LARS2: variants seen among roughly 807,000 people sequenced by gnomAD.
LARS2 encodes the protein leucyl-tRNA synthetase 2, mitochondrial, also known as leucine--tRNA ligase, mitochondrial.
LARS2 carries 81 observed loss-of-function variants against 116.6 expected under a neutral mutation model. The observed-to-expected ratio is 0.69, with a 90% CI of 0.58 to 0.84. LARS2 has a LOEUF of 0.84. LARS2 is among the 40% of genes least tolerant of loss of function. The pLI, the probability that LARS2 is intolerant of heterozygous loss-of-function variation, is 0.00. For synonymous variants in LARS2, 396 were observed against 407.2 expected (o/e 0.97, Z 0.33); for missense variants, 968 against 1,114.5 (o/e 0.87, Z 1.87).
intron 6 of LARS2, among the ~76,000 whole-genome samples, chr3:45,444,741 C>T (rs986812761): frequency 6.8e-6 from 1 of 148,004 alleles, no homozygotes; most frequent in Non-Finnish European, 1.5e-5. Context: ...GCAGATTCAT[C>T]GGCTTAGAGA....
chr3:45,529,917 G>A (rs1700589766), intron 20 of LARS2, among the ~76,000 whole-genome samples: 1 of 152,158 alleles, frequency 6.6e-6, no homozygotes, highest in African/African-American at 2.4e-5. Context: ...GGCCCAGAGC[G>A]AGGAGATATG....
intron 4 of LARS2, among the ~76,000 whole-genome samples, chr3:45,412,096 G>A (rs1482628606): frequency 6.6e-6 from 1 of 152,134 alleles, no homozygotes; most frequent in African/African-American, 2.4e-5. Context: ...TACCATTGAT[G>A]GTCATTTAGG....
At chr3:45,402,401 G>A (rs967546793) in intron 4 of LARS2, among the ~76,000 whole-genome samples, 17 of 152,168 alleles carry the variant, frequency 1.1e-4, no homozygotes, top group Admixed American at 1.1e-3. Flanking sequence ...TTACGTCATG[G>A]TAATCAGCAA....
At position 45,396,987 on chromosome 3, in the gene LARS2, C is replaced by T. The variant is rs545231501; in HGVS notation, c.234+2300C>T. On this transcript the variant is annotated intron_variant, in intron 3 of 21. Coordinates refer to ENST00000645846, the MANE Select transcript of LARS2 (RefSeq NM_015340.4). ...AGGACCAGAACTGGGGCTCCGGATT[C>T]CTATTGAGGTGCTCCTTTTACTCTG... Among the ~76,000 whole-genome samples, 51 of 152,320 alleles carry T rather than the reference C, an allele frequency of 3.3e-4. No homozygotes were observed. The South Asian group carries it at 0.011, about 32-fold the overall frequency.
At chr3:45,508,477 T>G (rs1411542712) in intron 15 of LARS2, among the ~76,000 whole-genome samples, 2 of 152,038 alleles carry the variant, frequency 1.3e-5, no homozygotes, top group African/African-American at 2.4e-5. Flanking sequence ...GCTAATTATG[T>G]GACATGATGG....
At chr3:45,452,015 G>A (rs1456813148) in intron 7 of LARS2, among the ~76,000 whole-genome samples, 1 of 152,064 alleles carries the variant, frequency 6.6e-6, no homozygotes, top group African/African-American at 2.4e-5. Context: ...TAGAAATGCT[G>A]CTGATTTCTG....
intron 8 of LARS2, among the ~76,000 whole-genome samples, chr3:45,464,482 A>C (rs1300363820): frequency 6.6e-6 from 1 of 152,210 alleles, no homozygotes; most frequent in Non-Finnish European, 1.5e-5. Flanking sequence ...TCTCAGCCCC[A>C]GAACAGAGGC....
intron 2 of LARS2, among the ~76,000 whole-genome samples, chr3:45,393,223 C>T (rs888059433): frequency 1.3e-5 from 2 of 151,390 alleles, no homozygotes; most frequent in African/African-American, 2.4e-5. Flanking sequence ...TTCTCATCTG[C>T]CTCCCTTATT....
At chr3:45,449,994 T>G (rs1699098183) in intron 7 of LARS2, among the ~76,000 whole-genome samples, 1 of 152,222 alleles carries the variant, frequency 6.6e-6, no homozygotes, top group Non-Finnish European at 1.5e-5. Context: ...AATATGAACA[T>G]AAAGACCTCT....
chr3:45,485,610 T>C (rs1699792205), intron 10 of LARS2, 82 bp from the exon 11 acceptor site: 2 of 752,034 alleles, frequency 2.7e-6, no homozygotes, highest in Non-Finnish European at 4.4e-6. Context: ...GTGCTTACTT[T>C]TCTCACTTGT....
At chr3:45,533,037 C>A (rs961341524) in intron 20 of LARS2, among the ~76,000 whole-genome samples, 2 of 151,648 alleles carry the variant, frequency 1.3e-5, no homozygotes, top group African/African-American at 4.8e-5. Flanking sequence ...AGGTATTAGG[C>A]CCTGACAAGC....
At chr3:45,395,462 G>A (rs1222696363) in intron 3 of LARS2, among the ~76,000 whole-genome samples, 6 of 152,372 alleles carry the variant, frequency 3.9e-5, no homozygotes, top group African/African-American at 9.6e-5. Context: ...AGTCTGGAAC[G>A]TGTTAACCCT....
intron 6 of LARS2, chr3:45,422,293 A>G (rs1271062880): frequency 2.6e-5 from 4 of 152,094 alleles, no homozygotes; most frequent in Non-Finnish European, 5.9e-5. Flanking sequence ...GTGTTTTCCC[A>G]TATAGATAGG....
At chr3:45,418,288 T>A in intron 5 of LARS2, among the ~76,000 whole-genome samples, 1 of 152,216 alleles carries the variant, frequency 6.6e-6, no homozygotes, top group East Asian at 1.9e-4. Context: ...GTGCCCAGTG[T>A]CTCTTACCTG....
intron 6 of LARS2, among the ~76,000 whole-genome samples, chr3:45,425,406 C>T (rs190419892): frequency 1.3e-5 from 2 of 152,308 alleles, no homozygotes; most frequent in East Asian, 3.9e-4. Flanking sequence ...TGACCTCACA[C>T]TCGTCCCTGC....
intron 7 of LARS2, among the ~76,000 whole-genome samples, chr3:45,452,770 T>A (rs983552829): frequency 1.3e-5 from 2 of 152,200 alleles, no homozygotes; most frequent in African/African-American, 4.8e-5. Flanking sequence ...TTTCTTTAAA[T>A]GGTAGAATTC....
chr3:45,534,970 T>C (rs1700678325), intron 20 of LARS2, among the ~76,000 whole-genome samples: 1 of 152,206 alleles, frequency 6.6e-6, no homozygotes, highest in African/African-American at 2.4e-5. Context: ...GGTAGCTGCT[T>C]GCCTAGGGAA....
At position 45,454,672 on chromosome 3, in the gene LARS2, C is replaced by G. The variant is rs1028223124; in HGVS notation, c.607-4071C>G. Among the ~76,000 whole-genome samples the G allele has an allele frequency of 2.6e-5, 4 of 152,120 alleles. No individual in the cohort carries two copies. The East Asian group carries it at 7.7e-4, about 29-fold the overall frequency. On this transcript the variant is annotated intron_variant, in intron 7 of 21. Transcript: ENST00000645846. Reference sequence around the variant, plus strand: ...AGGTGGTAGACAGCATAAATGCCAACCAGGGAAATGAATAGAGTCAGTGAA... The same window carrying G: ...AGGTGGTAGACAGCATAAATGCCAAGCAGGGAAATGAATAGAGTCAGTGAA...
intron 4 of LARS2, among the ~76,000 whole-genome samples, chr3:45,409,548 G>C (rs933372935): frequency 6.6e-6 from 1 of 152,174 alleles, no homozygotes; most frequent in South Asian, 2.1e-4. Context: ...TGCTCTCTGT[G>C]GGGGAAGGGA....
Sources: gnomAD v4.1 joint callset for allele counts (sites outside exome capture counted in the v4.1 genomes callset) on GRCh38, gnomAD v4.1.1 for gene constraint, MANE v1.5 for transcripts, NCBI Gene and HGNC (gene_info 2026-07-23, HGNC 2026-07-21) for gene names.